The following MAST2 variants were observed in gnomAD, a reference collection of about 807,000 sequenced individuals.
The protein encoded by MAST2 is microtubule associated serine/threonine kinase 2, also known as microtubule-associated serine/threonine-protein kinase 2.
Under a neutral mutation model 147.4 loss-of-function variants are expected in MAST2, and 70 were observed. The ratio of observed to expected loss-of-function variants is 0.47; its 90% CI spans 0.39 to 0.58. MAST2 has a LOEUF of 0.58. MAST2 is among the 20% of genes least tolerant of loss of function. The probability of loss-of-function intolerance (pLI) is 0.00; values close to 1 mark genes in which losing one functional copy is unlikely to be tolerated. For missense variants in MAST2, 2,080 were observed against 2,302.3 expected, an observed-to-expected ratio of 0.90 and a Z score of 1.98; for synonymous variants, 869 against 896.8, an observed-to-expected ratio of 0.97 and a Z score of 0.55.
intron 4 of MAST2, among the ~76,000 whole-genome samples, chr1:45,902,243 T>G (rs555412935): frequency 6.6e-6 from 1 of 152,358 alleles, no homozygotes; most frequent in East Asian, 1.9e-4. Context: ...GACATGATCA[T>G]ATGGTTTTTG....
intron 5 of MAST2, among the ~76,000 whole-genome samples, chr1:45,991,678 T>A (rs1644860009): frequency 6.6e-6 from 1 of 152,194 alleles, no homozygotes; most frequent in Non-Finnish European, 1.5e-5. Context: ...TCATTTCTGG[T>A]ATAAAGGGAC....
Position 45,933,467 on chromosome 1 carries a change from C to T in MAST2, c.501-25919C>T, listed in dbSNP as rs114692450. Among the ~76,000 whole-genome samples, 492 of 151,410 alleles carry T rather than the reference C, an allele frequency of 3.2e-3. 3 individuals carry two copies. The highest frequency in any genetic ancestry group is 0.028 in the East Asian group (145 of 5,156). ...TGAAAGTGAGAACTCTGGCCGGGCA[C>T]GGTGGCTCACGCCTTTAATCCTAGC... On this transcript the variant is annotated intron_variant, in intron 4 of 28. Coordinates refer to ENST00000361297, the MANE Select transcript of MAST2 (RefSeq NM_015112.3).
intron 1 of MAST2, among the ~76,000 whole-genome samples, chr1:45,806,867 A>C (rs1644158080): frequency 1.3e-5 from 2 of 152,108 alleles, no homozygotes; most frequent in African/African-American, 4.8e-5. Context: ...GTGAACTACC[A>C]CGGCCTAATT....
At chr1:45,804,098 G>A in intron 1 of MAST2, 26 bp downstream of exon 1, 1 of 1,275,362 alleles carries the variant, frequency 7.8e-7, no homozygotes, top group Non-Finnish European at 1.0e-6. Context: ...ATCCGGGAGG[G>A]TGAACCTGAA....
At position 45,918,502 on chromosome 1, in the gene MAST2, A is replaced by G. The variant is rs990522881; in HGVS notation, c.500+36107A>G. ...CACCCAGGCTGGAGTGCAATGGCAC[A>G]ATCTCTCCTCACTGCAACTCTGCCT... is the stretch of plus-strand genomic sequence containing the variant. On this transcript the variant is annotated intron_variant, in intron 4 of 28. Coordinates refer to ENST00000361297, the MANE Select transcript of MAST2 (RefSeq NM_015112.3). Among the ~76,000 whole-genome samples, 5 of 152,174 alleles carry G rather than the reference A, an allele frequency of 3.3e-5. No individual in the cohort carries two copies. In the South Asian group the frequency reaches 1.0e-3, roughly 32 times the overall value.
rs769061513 is a variant in MAST2, at chr1:45,882,361, CAGA to C, written c.469_471del (p.Lys157del). 1.2e-6 allele frequency: 2 copies of C among 1,611,604 alleles called. No individual in the cohort carries two copies. Among genetic ancestry groups the C allele is most frequent in the South Asian group, 1.1e-5 (1 of 90,948 alleles). On this transcript the variant is annotated splice_acceptor_variant and coding_sequence_variant, in exon 4 of 29. Transcript: ENST00000361297. LOFTEE classifies it high-confidence loss of function. ...TCTAACTTGCATATGTTTTGTTTTT[CAGA>C]AGGAGTTGAGCCTTCCAAGAAGAGG...
intron 1 of MAST2, among the ~76,000 whole-genome samples, chr1:45,819,149 A>G (rs1644543247): frequency 6.6e-6 from 1 of 151,614 alleles, no homozygotes; most frequent in East Asian, 2.0e-4. Flanking sequence ...GCTACTTGGG[A>G]GGCTGAGGCA....
Position 45,931,578 on chromosome 1 carries a change from C to T in MAST2, c.501-27808C>T, listed in dbSNP as rs1169721981. Reference sequence around the variant, plus strand: ...GATCTGGGCTCACTGCAACCTCCACCTCCCGGGTTCAAGCGATTCTCCTGT... The same window carrying T: ...GATCTGGGCTCACTGCAACCTCCACTTCCCGGGTTCAAGCGATTCTCCTGT... On this transcript the variant is annotated intron_variant, in intron 4 of 28. Coordinates refer to ENST00000361297, the MANE Select transcript of MAST2 (RefSeq NM_015112.3). 2.6e-5 allele frequency among the ~76,000 whole-genome samples: 4 copies of T among 151,830 alleles called. No homozygotes were observed. The East Asian group carries it at 7.7e-4, about 29-fold the overall frequency.
rs117755588 is a variant in MAST2, at chr1:45,898,551, T to G, written c.500+16156T>G. ...GTTTTTGTTTTTACTCTGAGAATTT[T>G]TATCTTCCATGGGATAAGCAAAGCC... On this transcript the variant is annotated intron_variant, in intron 4 of 28. Transcript: ENST00000361297. Among the ~76,000 whole-genome samples, 85 of 152,270 alleles carry G rather than the reference T, an allele frequency of 5.6e-4. 2 individuals carry two copies. In the East Asian group the frequency reaches 0.01, roughly 19 times the overall value.
intron 1 of MAST2, among the ~76,000 whole-genome samples, chr1:45,811,782 C>T (rs1406040225): frequency 1.3e-5 from 2 of 150,362 alleles, no homozygotes; most frequent in Non-Finnish European, 3.0e-5. Flanking sequence ...TACAGGCGCC[C>T]GCCACCACGC....
At chr1:45,855,649 A>G (rs1425965381) in intron 3 of MAST2, among the ~76,000 whole-genome samples, 16 of 151,970 alleles carry the variant, frequency 1.1e-4, no homozygotes, top group Non-Finnish European at 1.5e-5. Flanking sequence ...TTTAGTTTTT[A>G]CATGTTTGTT....
At chr1:45,813,019 C>T (rs569549514) in intron 1 of MAST2, among the ~76,000 whole-genome samples, 2 of 152,252 alleles carry the variant, frequency 1.3e-5, no homozygotes, top group South Asian at 4.1e-4. Context: ...CTGCAGATAC[C>T]AAACTCTGGT....
chr1:45,963,838 T>C (rs75840714), intron 5 of MAST2, among the ~76,000 whole-genome samples: 67,916 of 152,102 alleles, frequency 0.45, 15,370 homozygotes, highest in East Asian at 0.63. Flanking sequence ...CTGTCTTGTG[T>C]CAGTTTTCAA....
chr1:45,928,586 CT>C (rs946011815), intron 4 of MAST2, among the ~76,000 whole-genome samples: 1 of 126,154 alleles, frequency 7.9e-6, no homozygotes, highest in Non-Finnish European at 1.7e-5. Context: ...TTTTTCTTTT[CT>C]TTTTTTCCTT....
chr1:45,819,457 A>G (rs1644555034), intron 1 of MAST2, among the ~76,000 whole-genome samples: 1 of 152,192 alleles, frequency 6.6e-6, no homozygotes, highest in Admixed American at 6.5e-5. Flanking sequence ...ATATTTGGCA[A>G]AAGCTTAAAG....
intron 5 of MAST2, among the ~76,000 whole-genome samples, chr1:45,961,262 T>G (rs1660378698): frequency 6.6e-6 from 1 of 152,140 alleles, no homozygotes; most frequent in Non-Finnish European, 1.5e-5. Context: ...TGAAATTAGC[T>G]GGATTAGCTC....
chr1:45,975,935 C>G (rs1644133530), intron 5 of MAST2, among the ~76,000 whole-genome samples: 1 of 151,096 alleles, frequency 6.6e-6, no homozygotes. Context: ...CTTGTGGAGG[C>G]AAGATTTGCC....
rs140774414 is a variant in MAST2, at chr1:45,953,392, A to T, written c.501-5994A>T. Among the ~76,000 whole-genome samples the T allele has an allele frequency of 1.1e-4, 16 of 152,272 alleles. No individual in the cohort carries two copies. The East Asian group carries it at 3.1e-3, about 29-fold the overall frequency. ...AAATACATTCATTTGTTCAATAAAC[A>T]CTTGTCGAAAACCTCCTATGCCCTG... is the stretch of plus-strand genomic sequence containing the variant. On this transcript the variant is annotated intron_variant, in intron 4 of 28. Coordinates refer to ENST00000361297, the MANE Select transcript of MAST2 (RefSeq NM_015112.3).
intron 3 of MAST2, among the ~76,000 whole-genome samples, chr1:45,832,436 A>C (rs1293223120): frequency 6.6e-6 from 1 of 151,874 alleles, no homozygotes; most frequent in African/African-American, 2.4e-5. Context: ...CTGGGATTAC[A>C]GATGTGTGCC....
Sources: allele counts gnomAD v4.1 joint callset (sites outside exome capture counted in the v4.1 genomes callset), GRCh38; gene constraint gnomAD v4.1.1; transcripts MANE v1.5; gene names NCBI Gene and HGNC (gene_info 2026-07-23, HGNC 2026-07-21).